Variants in COL8A1 observed in about 807,000 individuals in gnomAD.
COL8A1 encodes the protein collagen type VIII alpha 1 chain, also known as collagen alpha-1(VIII) chain.
In COL8A1, 21 loss-of-function variants were observed where a neutral mutation model predicts 42.7. That is an observed-to-expected ratio of 0.49 (90% CI 0.35 to 0.71). The LOEUF is 0.71. Ranked by LOEUF, COL8A1 falls within the 30% of genes least tolerant of loss-of-function variation. The pLI, the probability that COL8A1 is intolerant of heterozygous loss-of-function variation, is 0.01. For missense variants in COL8A1, 788 were observed against 962.4 expected, an observed-to-expected ratio of 0.82 and a Z score of 2.40; for synonymous variants, 367 against 369.1, an observed-to-expected ratio of 0.99 and a Z score of 0.06.
chr3:99,697,277 C>T (rs11928640), intron 1 of COL8A1, among the ~76,000 whole-genome samples: 22 of 152,174 alleles, frequency 1.4e-4, no homozygotes, highest in East Asian at 1.4e-3. Context: ...TGAGCCACCG[C>T]GCCCGGCACA....
chr3:99,654,762 T>C (rs1413499959), intron 1 of COL8A1, among the ~76,000 whole-genome samples: 1 of 151,198 alleles, frequency 6.6e-6, no homozygotes, highest in Non-Finnish European at 1.5e-5. Context: ...CACTCCAGCC[T>C]GGACAACAGA....
intron 1 of COL8A1, among the ~76,000 whole-genome samples, chr3:99,641,486 A>C (rs1296389632): frequency 6.6e-6 from 1 of 152,212 alleles, no homozygotes; most frequent in Non-Finnish European, 1.5e-5. Flanking sequence ...TGCTAGTCAT[A>C]ATTCTAAAAG....
At chr3:99,730,409 T>C (rs1475108185) in intron 1 of COL8A1, among the ~76,000 whole-genome samples, 2 of 152,142 alleles carry the variant, frequency 1.3e-5, no homozygotes, top group Non-Finnish European at 2.9e-5. Context: ...TGAAATGTTA[T>C]GACATATCTG....
At chr3:99,680,623 G>A (rs945608511) in intron 1 of COL8A1, among the ~76,000 whole-genome samples, 8 of 152,132 alleles carry the variant, frequency 5.3e-5, no homozygotes, top group Non-Finnish European at 7.4e-5. Flanking sequence ...CAGTGTAAAA[G>A]TATTCCTATT....
intron 1 of COL8A1, among the ~76,000 whole-genome samples, chr3:99,732,778 A>C (rs1940556722): frequency 1.3e-5 from 2 of 152,264 alleles, no homozygotes; most frequent in South Asian, 2.1e-4. Flanking sequence ...GTAACTCAAA[A>C]GTCCAAGTCC....
chr3:99,705,415 T>A (rs529897672), intron 1 of COL8A1, among the ~76,000 whole-genome samples: 1 of 152,334 alleles, frequency 6.6e-6, no homozygotes, highest in South Asian at 2.1e-4. Context: ...GAAAGGTTAT[T>A]TGTATTCTTT....
chr3:99,705,678 G>T (rs959740010), intron 1 of COL8A1, among the ~76,000 whole-genome samples: 1 of 152,134 alleles, frequency 6.6e-6, no homozygotes, highest in East Asian at 1.9e-4. Flanking sequence ...AAAAGACAAT[G>T]ATTCATGTTC....
chr3:99,652,392 G>C (rs1163582815), intron 1 of COL8A1, among the ~76,000 whole-genome samples: 1 of 152,184 alleles, frequency 6.6e-6, no homozygotes, highest in South Asian at 2.1e-4. Context: ...AATTTGGTAG[G>C]GAGGGGTTTT....
intron 2 of COL8A1, among the ~76,000 whole-genome samples, chr3:99,773,838 T>TATATATATATA (rs57465016): frequency 1.2e-4 from 7 of 58,404 alleles, no homozygotes; most frequent in African/African-American, 5.6e-4. Context: ...TATATATATA[T>TATATATATATA]TTTTTTTTTT....
chr3:99,644,582 T>G (rs552890315), intron 1 of COL8A1, among the ~76,000 whole-genome samples: 1 of 152,308 alleles, frequency 6.6e-6, no homozygotes, highest in African/African-American at 2.4e-5. Flanking sequence ...TCCGAAATAG[T>G]AAGTGTGTTT....
At chr3:99,724,961 G>A (rs1002254877) in intron 1 of COL8A1, among the ~76,000 whole-genome samples, 3 of 152,030 alleles carry the variant, frequency 2.0e-5, no homozygotes, top group Non-Finnish European at 2.9e-5. Flanking sequence ...ATTTTATTAC[G>A]TGATCTTAAA....
chr3:99,749,313 C>T (rs906242267), intron 2 of COL8A1, among the ~76,000 whole-genome samples: 2 of 152,150 alleles, frequency 1.3e-5, no homozygotes, highest in Non-Finnish European at 2.9e-5. Flanking sequence ...CAAGAGGGAA[C>T]AGAACCAAAG....
Position 99,734,734 on chromosome 3 carries a change from C to G in COL8A1, c.-128-10163C>G, listed in dbSNP as rs1940647687. On this transcript the variant is annotated intron_variant, in intron 1 of 3. Transcript: ENST00000652472. ...GGATGGCATTGAATCTGTAAATTAC[C>G]TTGGGCAGTATGGCCATTTTCACGA... Among the ~76,000 whole-genome samples, 2 of 151,842 alleles carry G rather than the reference C, an allele frequency of 1.3e-5. 1 individual carries two copies. Among genetic ancestry groups the G allele is most frequent in the South Asian group, 4.1e-4 (2 of 4,820 alleles).
chr3:99,667,173 A>G (rs889907577), intron 1 of COL8A1, among the ~76,000 whole-genome samples: 1 of 152,158 alleles, frequency 6.6e-6, no homozygotes, highest in Non-Finnish European at 1.5e-5. Flanking sequence ...CTTAACTCCT[A>G]CAGTTTCCTA....
intron 1 of COL8A1, among the ~76,000 whole-genome samples, chr3:99,650,964 G>A (rs191925086): frequency 1.9e-3 from 294 of 152,302 alleles, no homozygotes; most frequent in Middle Eastern, 3.4e-3. Context: ...TAAATGTCAT[G>A]TTCAATGCAT....
intron 2 of COL8A1, among the ~76,000 whole-genome samples, chr3:99,763,025 A>G (rs572445320): frequency 6.0e-4 from 92 of 152,282 alleles, no homozygotes; most frequent in African/African-American, 2.1e-3. Context: ...TTCAAAAGAG[A>G]TTTGGAACTA....
At chr3:99,724,223 C>T (rs1940238384) in intron 1 of COL8A1, among the ~76,000 whole-genome samples, 1 of 152,088 alleles carries the variant, frequency 6.6e-6, no homozygotes, top group Admixed American at 6.6e-5. Flanking sequence ...GGTTGGTCCT[C>T]CTATATGTCA....
intron 1 of COL8A1, among the ~76,000 whole-genome samples, chr3:99,645,011 C>T (rs1937616683): frequency 6.6e-6 from 1 of 152,224 alleles, no homozygotes; most frequent in East Asian, 1.9e-4. Context: ...TTGCAGCTGC[C>T]TTCAGTTCAG....
At chr3:99,719,586 G>A (rs891491657) in intron 1 of COL8A1, among the ~76,000 whole-genome samples, 2 of 152,052 alleles carry the variant, frequency 1.3e-5, no homozygotes, top group African/African-American at 2.4e-5. Flanking sequence ...CACTTAATCC[G>A]AACTCAAGGG....
Sources: gnomAD v4.1 joint callset for allele counts (sites outside exome capture counted in the v4.1 genomes callset) on GRCh38, gnomAD v4.1.1 for gene constraint, MANE v1.5 for transcripts, NCBI Gene and HGNC (gene_info 2026-07-23, HGNC 2026-07-21) for gene names.